Variants in TXNDC9 observed in about 807,000 individuals in gnomAD.
TXNDC9 encodes the protein thioredoxin domain-containing protein 9.
In TXNDC9, 7 loss-of-function variants were observed where a neutral mutation model predicts 23.0. The observed-to-expected ratio is 0.30, with a 90% CI of 0.17 to 0.57. TXNDC9 has a LOEUF of 0.57. Ranked by LOEUF, TXNDC9 falls within the 20% of genes least tolerant of loss-of-function variation. The probability of loss-of-function intolerance (pLI) is 0.90; values close to 1 mark genes in which losing one functional copy is unlikely to be tolerated. For synonymous variants in TXNDC9, 72 were observed against 90.6 expected, an observed-to-expected ratio of 0.79 and a Z score of 1.17; for missense variants, 198 against 252.6, an observed-to-expected ratio of 0.78 and a Z score of 1.47.
downstream of TXNDC9, among the ~76,000 whole-genome samples, chr2:99,318,775 G>A (rs1229722761): frequency 6.6e-6 from 1 of 152,156 alleles, no homozygotes; most frequent in Non-Finnish European, 1.5e-5. Context: ...GGGACTAGGT[G>A]GAGGAAGGAG....
chr2:99,323,942 T>A (rs1377498288), intron 3 of TXNDC9, among the ~76,000 whole-genome samples: 1 of 152,008 alleles, frequency 6.6e-6, no homozygotes, highest in Non-Finnish European at 1.5e-5. Flanking sequence ...GCCTCCTGGG[T>A]TCAATCGATT....
chr2:99,330,746 C>T (rs904362349), intron 2 of TXNDC9, among the ~76,000 whole-genome samples: 2 of 152,200 alleles, frequency 1.3e-5, no homozygotes, highest in African/African-American at 4.8e-5. Context: ...TAAGTCAATG[C>T]ATACAATGAT....
At chr2:99,316,566 T>C (rs1388351984), downstream of TXNDC9, among the ~76,000 whole-genome samples, 1 of 152,166 alleles carries the variant, frequency 6.6e-6, no homozygotes, top group Non-Finnish European at 1.5e-5. Context: ...CATCTTTCTA[T>C]GTTATCTTAC....
chr2:99,313,585 C>T, the TXNDC9 span, among the ~76,000 whole-genome samples: 67 of 152,002 alleles, frequency 4.4e-4, no homozygotes, highest in Non-Finnish European at 8.5e-4. Flanking sequence ...TTATGGTGAG[C>T]TATGACCACC....
At chr2:99,318,005 C>T (rs2094193487), downstream of TXNDC9, among the ~76,000 whole-genome samples, 2 of 152,198 alleles carry the variant, frequency 1.3e-5, no homozygotes, top group Non-Finnish European at 2.9e-5. Flanking sequence ...ATTCCCATGA[C>T]TCAGCCTCCT....
In TXNDC9 at chr2:99,336,307, T is replaced by C. The variant is rs533347998; in HGVS notation, c.-101A>G. 3.2e-5 allele frequency: 32 copies of C among 985,516 alleles called. No homozygotes were observed. In the African/African-American group the frequency reaches 3.8e-4, roughly 12 times the overall value. The allele number at this position is 985,516 out of a possible 1,614,324, so 61.0% of individuals were successfully genotyped here. On this transcript the variant is annotated 5_prime_UTR_variant, in exon 1 of 5. Transcript: ENST00000264255. ...CAAAAGACACGTCCACTCCGGCTTTTGCCTTGCAGTAGCTGCCGGCGGCTG... is the reference window on the plus strand; with the variant it reads ...CAAAAGACACGTCCACTCCGGCTTTCGCCTTGCAGTAGCTGCCGGCGGCTG...
intron 3 of TXNDC9, among the ~76,000 whole-genome samples, chr2:99,325,914 G>A (rs989951143): frequency 2.6e-5 from 4 of 152,126 alleles, no homozygotes; most frequent in Admixed American, 2.6e-4. Context: ...GGGAGGCTGA[G>A]GCAGGAGAAT....
the TXNDC9 span, among the ~76,000 whole-genome samples, chr2:99,307,880 T>G: frequency 5.9e-5 from 9 of 151,582 alleles, no homozygotes; most frequent in Non-Finnish European, 8.8e-5. Context: ...GTAAATCCCT[T>G]GCCTGCCCTC....
the TXNDC9 span, among the ~76,000 whole-genome samples, chr2:99,309,103 G>T: frequency 6.6e-6 from 1 of 151,908 alleles, no homozygotes; most frequent in Non-Finnish European, 1.5e-5. Context: ...TTTAAAATAG[G>T]CCTGGTGCTG....
chr2:99,322,581 T>G (rs778797632), intron 3 of TXNDC9: 12 of 1,531,832 alleles, frequency 7.8e-6, no homozygotes, highest in Non-Finnish European at 1.1e-5. Flanking sequence ...AGTGCACACA[T>G]GGTGCCATAT....
chr2:99,310,912 A>G, the TXNDC9 span, among the ~76,000 whole-genome samples: 1 of 152,204 alleles, frequency 6.6e-6, no homozygotes, highest in Non-Finnish European at 1.5e-5. Context: ...TCGTTTGCCA[A>G]AATCTTTTCT....
At chr2:99,322,439 T>C in intron 3 of TXNDC9, 2 of 1,266,466 alleles carry the variant, frequency 1.6e-6, no homozygotes, top group Non-Finnish European at 2.1e-6. Flanking sequence ...TTTGCATTAA[T>C]GATATTCTCT....
chr2:99,313,164 A>G, the TXNDC9 span, among the ~76,000 whole-genome samples: 1 of 152,110 alleles, frequency 6.6e-6, no homozygotes, highest in African/African-American at 2.4e-5. Flanking sequence ...CTCTGTCTCA[A>G]AAAAACAAAC....
Position 99,327,566 on chromosome 2 carries a change from C to G in TXNDC9, c.277G>C (p.Val93Leu). Residue 93 changes from valine to leucine, a missense_variant, in exon 3 of 5, where the codon GTT (valine) becomes CTT (leucine). By Grantham distance (32) the Val-to-Leu change is conservative (BLOSUM62 1). Transcript: ENST00000264255. ...GTGGAGTCTCTGTAGAAATGGCAAACCACATTTTCACTCTCCTTGACTTCT... is the reference window on the plus strand; with the variant it reads ...GTGGAGTCTCTGTAGAAATGGCAAAGCACATTTTCACTCTCCTTGACTTCT... ...FQEVKESENV[V>L]CHFYRDSTFR... is the part of the protein sequence containing the mutation. 6.2e-7 allele frequency: 1 copy of G among 1,613,364 alleles called. No individual in the cohort carries two copies. Among genetic ancestry groups the G allele is most frequent in the Non-Finnish European group, 8.5e-7 (1 of 1,179,674 alleles).
chr2:99,309,072 T>A, the TXNDC9 span, among the ~76,000 whole-genome samples: 6 of 151,840 alleles, frequency 4.0e-5, no homozygotes, highest in Non-Finnish European at 8.8e-5. Context: ...AAAGTACAAA[T>A]AATAAAAAAT....
At chr2:99,309,646 C>T in the TXNDC9 span, among the ~76,000 whole-genome samples, 5 of 152,012 alleles carry the variant, frequency 3.3e-5, no homozygotes, top group East Asian at 1.9e-4. Flanking sequence ...CCAGCCTGGC[C>T]GACATGGTTT....
At chr2:99,330,679 A>AG (rs2094222658) in intron 2 of TXNDC9, among the ~76,000 whole-genome samples, 1 of 152,184 alleles carries the variant, frequency 6.6e-6, no homozygotes, top group South Asian at 2.1e-4. Context: ...TAACAGTAGG[A>AG]GGGTGCTTGG....
At chr2:99,316,122 T>C (rs894171944), downstream of TXNDC9, among the ~76,000 whole-genome samples, 2 of 149,002 alleles carry the variant, frequency 1.3e-5, no homozygotes, top group African/African-American at 4.9e-5. Flanking sequence ...TTTTTCTTTT[T>C]TTTTTTTTTT....
At chr2:99,320,981 A>C (rs2094200371) in intron 4 of TXNDC9, 1 of 152,036 alleles carries the variant, frequency 6.6e-6, no homozygotes, top group Non-Finnish European at 1.5e-5. Context: ...GCCTCAACTG[A>C]TTCTCCCACC....
Sources: allele counts gnomAD v4.1 joint callset (sites outside exome capture counted in the v4.1 genomes callset), GRCh38; gene constraint gnomAD v4.1.1; transcripts MANE v1.5; gene names NCBI Gene and HGNC (gene_info 2026-07-23, HGNC 2026-07-21).